The following GRIK5 variants were observed in gnomAD, a reference collection of about 807,000 sequenced individuals.
GRIK5 encodes the protein glutamate receptor ionotropic, kainate 5.
GRIK5 carries 43 observed loss-of-function variants against 97.4 expected under a neutral mutation model. The observed-to-expected ratio is 0.44, with a 90% confidence interval of 0.35 to 0.57. The LOEUF (loss-of-function observed/expected upper bound fraction) is 0.57. Ranked by LOEUF, GRIK5 falls within the 20% of genes least tolerant of loss-of-function variation. The pLI, the probability that GRIK5 is intolerant of heterozygous loss-of-function variation, is 0.01. For synonymous variants in GRIK5, 580 were observed against 583.5 expected (o/e 0.99, Z 0.09); for missense variants, 1,015 against 1,382.0 (o/e 0.73, Z 4.21).
chr19:41,999,330 G>T lies in GRIK5; in HGVS notation c.2515-31C>A. The T allele has an allele frequency of 6.8e-7, 1 of 1,476,656 alleles. No homozygotes were observed. The highest frequency in any genetic ancestry group is 9.0e-7 in the Non-Finnish European group (1 of 1,116,600). The allele number at this position is 1,476,656 out of a possible 1,614,324, so 91.5% of individuals were successfully genotyped here. On this transcript the variant is annotated intron_variant, in intron 19 of 19. Coordinates refer to ENST00000593562, the MANE Select transcript of GRIK5 (RefSeq NM_002088.5). The surrounding 1 kb of genome is among the most constrained non-coding windows in gnomAD (Gnocchi z 5.0). ...GGTGGCGCGGGCGGTCACCGTCCCG[G>T]CGCAGTCCGCCTCCCGCCTCCCCCA...
rs1231558007 is a variant in GRIK5 at position 42,056,711 on chromosome 19, T to G, written c.854A>C (p.Asn285Thr). The G allele has an allele frequency of 6.2e-7, 1 of 1,613,994 alleles. No individual in the cohort carries two copies. Among genetic ancestry groups the G allele is most frequent in the African/African-American group, 1.3e-5 (1 of 74,904 alleles). ...TTCACAGTTCTCCCTCCAGGACATGTTGAGGCTGCGGACAAACTCAGGGTA... is the reference window on the plus strand; with the variant it reads ...TTCACAGTTCTCCCTCCAGGACATGGTGAGGCTGCGGACAAACTCAGGGTA... ...PFYPEFVRSL[N>T]MSWRENCEAS... The change falls in exon 8 of 20, where the codon AAC becomes ACC. Residue 285 changes from asparagine (N) to threonine (T), a missense_variant. Asn to Thr is a moderately conservative substitution (Grantham distance 65). Around this residue, in one of 5 missense-constraint regions of GRIK5, gnomAD observed 477 missense variants for 701.1 expected, o/e 0.68. Transcript: ENST00000593562.
intron 15 of GRIK5, among the ~76,000 whole-genome samples, chr19:42,018,454 T>G (rs977141157): frequency 1.3e-5 from 2 of 150,536 alleles, no homozygotes; most frequent in African/African-American, 4.9e-5. Flanking sequence ...AGGTCAGGAG[T>G]TAGAGATCAT....
At chr19:42,054,280 C>A in intron 9 of GRIK5, 40 bp downstream of exon 9, 1 of 1,581,438 alleles carries the variant, frequency 6.3e-7, no homozygotes, top group Admixed American at 1.7e-5. Context: ...CCTGAGGTGG[C>A]CGTGTCCTGC....
chr19:42,025,314 T>C (rs574926721), intron 12 of GRIK5, among the ~76,000 whole-genome samples: 68 of 152,248 alleles, frequency 4.5e-4, no homozygotes, highest in African/African-American at 1.6e-3. Flanking sequence ...CTTGCCACAG[T>C]TGACCCTTGG....
At chr19:42,033,338 A>C (rs951057987) in intron 12 of GRIK5, among the ~76,000 whole-genome samples, 3 of 151,792 alleles carry the variant, frequency 2.0e-5, no homozygotes, top group African/African-American at 7.3e-5. Context: ...AAAAAAAAAA[A>C]ACGGAATGCA....
intron 15 of GRIK5, among the ~76,000 whole-genome samples, chr19:42,011,417 G>A (rs907876143): frequency 1.3e-5 from 2 of 151,902 alleles, no homozygotes; most frequent in African/African-American, 4.8e-5. Flanking sequence ...GCCAGGCGTG[G>A]TAGCGGGCGC....
In GRIK5 at chr19:41,998,748, G is replaced by C; in HGVS notation, c.*123C>G. ...CGCGGGGAACCAAAGGCAAAATCGCGGCGTCCGGGGCGCCGGCGCACAAGT... is the reference window on the plus strand; with the variant it reads ...CGCGGGGAACCAAAGGCAAAATCGCCGCGTCCGGGGCGCCGGCGCACAAGT... On this transcript the variant is annotated 3_prime_UTR_variant, in exon 20 of 20. Coordinates refer to ENST00000593562, the MANE Select transcript of GRIK5 (RefSeq NM_002088.5). 1 of 377,600 alleles carries C rather than the reference G, an allele frequency of 2.6e-6. No homozygotes were observed. Among genetic ancestry groups the C allele is most frequent in the Non-Finnish European group, 3.8e-6 (1 of 263,090 alleles). 23.4% of individuals were successfully genotyped at this position (377,600 alleles called of 1,614,324 possible). A position where few individuals can be genotyped will look rare whatever the true frequency, so the allele number is the denominator to read the frequency against.
At chr19:42,058,330 G>A (rs1047348121) in intron 6 of GRIK5, among the ~76,000 whole-genome samples, 5 of 151,566 alleles carry the variant, frequency 3.3e-5, no homozygotes, top group African/African-American at 7.2e-5. Flanking sequence ...ACAGGCGCCC[G>A]CCACCACGCC....
chr19:42,060,696 C>T (rs928562027), intron 5 of GRIK5, among the ~76,000 whole-genome samples: 15 of 152,124 alleles, frequency 9.9e-5, no homozygotes, highest in African/African-American at 3.6e-4. Context: ...TTGCTATTGT[C>T]CTGCGGCCTT....
chr19:42,036,026 A>C (rs1241787821), intron 12 of GRIK5, among the ~76,000 whole-genome samples: 1 of 152,064 alleles, frequency 6.6e-6, no homozygotes, highest in Non-Finnish European at 1.5e-5. Context: ...TATAATGTAA[A>C]ATTTTTTAAT....
chr19:42,014,686 G>C (rs2075604489), intron 15 of GRIK5, among the ~76,000 whole-genome samples: 1 of 152,124 alleles, frequency 6.6e-6, no homozygotes, highest in Non-Finnish European at 1.5e-5. Flanking sequence ...GGGAGGCTGA[G>C]GCAGGAGAAC....
chr19:42,040,393 C>T (rs1402159651), intron 12 of GRIK5, among the ~76,000 whole-genome samples: 1 of 152,192 alleles, frequency 6.6e-6, no homozygotes, highest in Non-Finnish European at 1.5e-5. Context: ...TTGGAGCCTG[C>T]TTATTTCTGG....
chr19:42,054,464 G>A lies in GRIK5; in HGVS notation c.912C>T (p.Ala304=), dbSNP rs766552690. 28 of 1,612,708 alleles carry A rather than the reference G, an allele frequency of 1.7e-5. No homozygotes were observed. The South Asian group carries it at 2.2e-4, about 13-fold the overall frequency. ...ASTYLGPALS[A]ALMFDAVHVV... Reference sequence around the variant, plus strand: ...CGTGCACGGCGTCAAACATCAGGGCGGCTGACAGCTGCGGTGGGACAGAGG... The same window carrying A: ...CGTGCACGGCGTCAAACATCAGGGCAGCTGACAGCTGCGGTGGGACAGAGG... The change falls in exon 9 of 20, where the codon GCC becomes GCT. Residue 304 remains alanine, a synonymous_variant. Coordinates refer to ENST00000593562, the MANE Select transcript of GRIK5 (RefSeq NM_002088.5).
Position 42,003,730 on chromosome 19 carries a change from C to A in GRIK5, c.2264-47G>T, listed in dbSNP as rs1555871725. The A allele has an allele frequency of 6.5e-7, 1 of 1,533,992 alleles. No homozygotes were observed. Among genetic ancestry groups the A allele is most frequent in the Non-Finnish European group, 8.8e-7 (1 of 1,142,146 alleles). On this transcript the variant is annotated intron_variant, in intron 17 of 19. Transcript: ENST00000593562. The surrounding 1 kb of genome is among the most constrained non-coding windows in gnomAD (Gnocchi z 4.2). Reference sequence around the variant, plus strand: ...TGGACCAGCCATCGGGCCCTGCAGCCCTGACCGCCCCAAACCCCAAACTGT... The same window carrying A: ...TGGACCAGCCATCGGGCCCTGCAGCACTGACCGCCCCAAACCCCAAACTGT...
chr19:42,003,462 C>T lies in GRIK5; in HGVS notation c.2393-9G>A, dbSNP rs373601351. 2.7e-5 allele frequency: 44 copies of T among 1,608,260 alleles called. No homozygotes were observed. Among genetic ancestry groups the T allele is most frequent in the African/African-American group, 1.1e-4 (8 of 74,638 alleles). On this transcript the variant is annotated splice_polypyrimidine_tract_variant and intron_variant, in intron 18 of 19. Transcript: ENST00000593562. The surrounding 1 kb of genome is among the most constrained non-coding windows in gnomAD (Gnocchi z 4.2). ...GTTCTCCATGCCCAAACCTGGAGGG[C>T]GAAGGGAGTTGGGGGGCAAAGGGAG... is the stretch of plus-strand genomic sequence containing the variant.
At position 41,999,700 on chromosome 19, in the gene GRIK5, C is replaced by G. The variant is rs1326914950; in HGVS notation, c.2515-401G>C. ...GGCCTGCTGTGTGCCCGGCACTGTT[C>G]TGAGCACTGGGGATATGGCAGAGAA... On this transcript the variant is annotated intron_variant, in intron 19 of 19. Transcript: ENST00000593562. This position sits in a 1 kb window ranked among gnomAD's most constrained non-coding sequence, Gnocchi z 5.0. 2.0e-5 allele frequency among the ~76,000 whole-genome samples: 3 copies of G among 152,216 alleles called. No homozygotes were observed. The highest frequency in any genetic ancestry group is 3.8e-4 in the East Asian group (2 of 5,202).
At chr19:42,029,934 C>A (rs754442798) in intron 12 of GRIK5, among the ~76,000 whole-genome samples, 10 of 152,326 alleles carry the variant, frequency 6.6e-5, no homozygotes, top group Non-Finnish European at 8.8e-5. Context: ...TGTCTCAGCT[C>A]TGTGGGGCCC....
At chr19:42,001,599 G>A (rs2075423960) in intron 19 of GRIK5, among the ~76,000 whole-genome samples, 1 of 152,130 alleles carries the variant, frequency 6.6e-6, no homozygotes, top group Non-Finnish European at 1.5e-5. Context: ...AAATCCCATG[G>A]GGACATTTGG....
Position 42,044,886 on chromosome 19 carries a change from C to T in GRIK5, c.1270-2131G>A, listed in dbSNP as rs549606270. On this transcript the variant is annotated intron_variant, in intron 11 of 19. Transcript: ENST00000593562. ...CCCAGAGGCTCAGGTTGCGGTGAGCCGAGATTTCACCACTGCAGGCCAGCC... is the reference window on the plus strand; with the variant it reads ...CCCAGAGGCTCAGGTTGCGGTGAGCTGAGATTTCACCACTGCAGGCCAGCC... 5.9e-5 allele frequency among the ~76,000 whole-genome samples: 9 copies of T among 152,260 alleles called. No homozygotes were observed. In the South Asian group the frequency reaches 8.3e-4, roughly 14 times the overall value.
Sources: gnomAD v4.1 joint callset for allele counts (sites outside exome capture counted in the v4.1 genomes callset) on GRCh38, gnomAD v4.1.1 for gene constraint, gnomAD v4.1.1 regional missense constraint, Gnocchi (gnomAD v3.1) non-coding constraint, MANE v1.5 for transcripts, NCBI Gene and HGNC (gene_info 2026-07-23, HGNC 2026-07-21) for gene names.